The following TPH2 variants were observed in gnomAD, a reference collection of about 807,000 sequenced individuals.
TPH2 encodes the protein tryptophan 5-hydroxylase 2.
In TPH2, 27 loss-of-function variants were observed where a neutral mutation model predicts 59.1. The ratio of observed to expected loss-of-function variants is 0.46; its 90% CI spans 0.34 to 0.63. The LOEUF is 0.63. Among genes scored for constraint, TPH2 ranks in the 30% least tolerant of loss-of-function variants. TPH2 has a pLI of 0.01. For synonymous variants in TPH2, 220 were observed against 210.5 expected (o/e 1.05, Z -0.39); for missense variants, 523 against 588.3 (o/e 0.89, Z 1.15).
At position 71,944,521 on chromosome 12, in the gene TPH2, A is replaced by G. The variant is rs751379776; in HGVS notation, c.439+44A>G. ...TGTCGGGTAACTTTGCAATCTGACAAATATTGCAAAGGGGAAAACACAATC... is the reference window on the plus strand; with the variant it reads ...TGTCGGGTAACTTTGCAATCTGACAGATATTGCAAAGGGGAAAACACAATC... On this transcript the variant is annotated intron_variant, in intron 3 of 10. Transcript: ENST00000333850. 3.7e-6 allele frequency: 6 copies of G among 1,613,030 alleles called. No homozygotes were observed. The Admixed American group carries it at 1.0e-4, about 27-fold the overall frequency.
At chr12:71,942,629 A>G (rs1325598504) in intron 2 of TPH2, among the ~76,000 whole-genome samples, 1 of 152,194 alleles carries the variant, frequency 6.6e-6, no homozygotes, top group Non-Finnish European at 1.5e-5. Context: ...AATTGCATTA[A>G]TAATTCCTAC....
chr12:71,967,306 G>A (rs1032070003), intron 5 of TPH2, among the ~76,000 whole-genome samples: 3 of 152,148 alleles, frequency 2.0e-5, no homozygotes, highest in Non-Finnish European at 4.4e-5. Context: ...AACCATACAG[G>A]CAGACAGATG....
chr12:71,994,143 A>G (rs1242325914), intron 7 of TPH2, among the ~76,000 whole-genome samples: 1 of 152,248 alleles, frequency 6.6e-6, no homozygotes, highest in African/African-American at 2.4e-5. Flanking sequence ...AGAATAAAAG[A>G]TATAAAGCAT....
intron 7 of TPH2, among the ~76,000 whole-genome samples, chr12:71,983,507 G>A (rs1163089352): frequency 6.6e-6 from 1 of 152,164 alleles, no homozygotes; most frequent in East Asian, 1.9e-4. Flanking sequence ...CGCCTGGCAT[G>A]TGTACAGTGG....
intron 2 of TPH2, among the ~76,000 whole-genome samples, 159 bp from the exon 3 acceptor site, chr12:71,944,135 T>C (rs1871141856): frequency 6.6e-6 from 1 of 152,134 alleles, no homozygotes; most frequent in Non-Finnish European, 1.5e-5. Flanking sequence ...ATGGAAATAA[T>C]GGTTGGAAAC....
chr12:71,996,618 T>C (rs1872700340), intron 8 of TPH2, among the ~76,000 whole-genome samples: 1 of 152,090 alleles, frequency 6.6e-6, no homozygotes. Context: ...TGTCTGACCT[T>C]GAATAGCCAT....
chr12:71,946,865 T>C (rs918415422), intron 4 of TPH2, among the ~76,000 whole-genome samples: 3 of 152,138 alleles, frequency 2.0e-5, no homozygotes, highest in African/African-American at 7.2e-5. Flanking sequence ...TTCGAGATCA[T>C]TTTTAAATGC....
chr12:71,981,588 C>T (rs1872278418), intron 7 of TPH2, among the ~76,000 whole-genome samples: 1 of 152,116 alleles, frequency 6.6e-6, no homozygotes, highest in African/African-American at 2.4e-5. Context: ...TAACAATATC[C>T]AGTGACTACA....
intron 4 of TPH2, among the ~76,000 whole-genome samples, chr12:71,945,131 T>C (rs1028197455): frequency 6.6e-6 from 1 of 152,158 alleles, no homozygotes; most frequent in African/African-American, 2.4e-5. Flanking sequence ...AGTAATGTAG[T>C]TGACTTCAGT....
At chr12:71,942,700 T>C (rs186417979) in intron 2 of TPH2, among the ~76,000 whole-genome samples, 4 of 152,362 alleles carry the variant, frequency 2.6e-5, no homozygotes, top group Admixed American at 2.6e-4. Flanking sequence ...TGTACAACTA[T>C]GAGGCATTAT....
chr12:71,965,583 C>T (rs1449133066), intron 5 of TPH2: 2 of 152,136 alleles, frequency 1.3e-5, no homozygotes, highest in Non-Finnish European at 1.5e-5. Flanking sequence ...TGTATGCCTT[C>T]TTTTGAAAAT....
At chr12:71,972,397 C>A in intron 5 of TPH2, 122 bp from the exon 6 acceptor site, 2 of 893,374 alleles carry the variant, frequency 2.2e-6, no homozygotes. Context: ...TTAATGGGAT[C>A]CTTTCAGACG....
chr12:71,956,640 C>T (rs554758518), intron 5 of TPH2, among the ~76,000 whole-genome samples: 11 of 151,566 alleles, frequency 7.3e-5, no homozygotes, highest in Non-Finnish European at 1.6e-4. Flanking sequence ...AACAGGGTCT[C>T]ACTCTGTTGC....
chr12:72,013,996 G>GA (rs1307164492), intron 8 of TPH2, among the ~76,000 whole-genome samples: 1 of 152,192 alleles, frequency 6.6e-6, no homozygotes, highest in African/African-American at 2.4e-5. Context: ...GAGGCTCGAA[G>GA]AGAGTATATG....
intron 5 of TPH2, among the ~76,000 whole-genome samples, chr12:71,963,577 G>A (rs183961814): frequency 4.1e-5 from 2 of 49,260 alleles, no homozygotes; most frequent in African/African-American, 1.2e-4. Flanking sequence ...TTGGGAGGCC[G>A]AGGTGGGCGG....
At position 71,938,999 on chromosome 12, in the gene TPH2, A is replaced by G. The variant is rs1870977246; in HGVS notation, c.13A>G (p.Met5Val). The G allele has an allele frequency of 1.2e-6, 2 of 1,613,922 alleles. No homozygotes were observed. Among genetic ancestry groups the G allele is most frequent in the African/African-American group, 2.7e-5 (2 of 74,926 alleles). ...TACACCGGGATCCATGCAGCCAGCAATGATGATGTTTTCCAGTAAATACTG... is the reference window on the plus strand; with the variant it reads ...TACACCGGGATCCATGCAGCCAGCAGTGATGATGTTTTCCAGTAAATACTG... MQPA[M>V]MMFSSKYWAR... Residue 5 changes from methionine to valine, a missense_variant, in exon 1 of 11, where the codon ATG becomes GTG. By Grantham distance (21) the Met-to-Val change is conservative (BLOSUM62 1). Transcript: ENST00000333850.
At chr12:71,953,178 C>T (rs372937122) in intron 5 of TPH2, among the ~76,000 whole-genome samples, 61 of 150,220 alleles carry the variant, frequency 4.1e-4, no homozygotes, top group African/African-American at 1.4e-3. Context: ...TTTTTTTGCA[C>T]ATGGGAAGCT....
intron 8 of TPH2, 50 bp from the exon 9 acceptor site, chr12:72,022,349 T>C: frequency 7.3e-7 from 1 of 1,372,464 alleles, no homozygotes; most frequent in Non-Finnish European, 1.0e-6. Flanking sequence ...TTTAATCCTA[T>C]CAAATAACTC....
chr12:72,002,095 T>C (rs925553657), intron 8 of TPH2, among the ~76,000 whole-genome samples: 6 of 152,164 alleles, frequency 3.9e-5, no homozygotes, highest in African/African-American at 1.4e-4. Flanking sequence ...GTGAGATAAA[T>C]GGACAGGTTA....
Sources: allele counts gnomAD v4.1 joint callset (sites outside exome capture counted in the v4.1 genomes callset), GRCh38; gene constraint gnomAD v4.1.1; transcripts MANE v1.5; gene names NCBI Gene and HGNC (gene_info 2026-07-23, HGNC 2026-07-21).